SF3A2: variants seen among roughly 807,000 people sequenced by gnomAD.
SF3A2 encodes splicing factor 3a subunit 2.
In SF3A2, 5 loss-of-function variants were observed where a neutral mutation model predicts 31.1. The observed-to-expected ratio is 0.16, with a 90% CI of 0.08 to 0.34. The LOEUF (loss-of-function observed/expected upper bound fraction) is 0.34. SF3A2 is among the 10% of genes least tolerant of loss of function. The probability of loss-of-function intolerance (pLI) is 1.00; values close to 1 mark genes in which losing one functional copy is unlikely to be tolerated. For missense variants in SF3A2, 577 were observed against 643.9 expected (o/e 0.90, Z 1.13); for synonymous variants, 365 against 263.7 (o/e 1.38, Z -3.72).
chr19:2,238,052 C>T (rs1023885332), intron 1 of SF3A2, among the ~76,000 whole-genome samples: 3 of 152,136 alleles, frequency 2.0e-5, no homozygotes, highest in African/African-American at 4.8e-5. Context: ...CAGGGTCTTG[C>T]TCTGTCACCC....
At chr19:2,247,107 A>C in intron 7 of SF3A2, 85 bp downstream of exon 7, 1 of 1,541,198 alleles carries the variant, frequency 6.5e-7, no homozygotes, top group Non-Finnish European at 8.6e-7. Context: ...TGCCCCTCCC[A>C]TCGGGCTTGG....
intron 1 of SF3A2, among the ~76,000 whole-genome samples, chr19:2,243,119 G>A (rs2024905103): frequency 6.6e-6 from 1 of 152,132 alleles, no homozygotes; most frequent in Non-Finnish European, 1.5e-5. Context: ...GGCTGGAGCG[G>A]CTTCCTCTCC....
rs557507276 is a variant in SF3A2, at chr19:2,242,521, C to T, written c.-37-861C>T. Among the ~76,000 whole-genome samples the T allele has an allele frequency of 3.9e-5, 6 of 152,356 alleles. 1 individual carries two copies. The East Asian group carries it at 1.2e-3, about 29-fold the overall frequency. Reference sequence around the variant, plus strand: ...TTTAAGATCCTCAAGCCCACCTGCACATCCCTTTTCTGCCATGAGGGGACA... The same window carrying T: ...TTTAAGATCCTCAAGCCCACCTGCATATCCCTTTTCTGCCATGAGGGGACA... On this transcript the variant is annotated intron_variant, in intron 1 of 8. Coordinates refer to ENST00000221494, the MANE Select transcript of SF3A2 (RefSeq NM_007165.5).
In SF3A2 at chr19:2,245,202, AG is replaced by A; in HGVS notation, c.246-243del. On this transcript the variant is annotated intron_variant, in intron 4 of 8. Transcript: ENST00000221494. The surrounding 1 kb of genome is among the most constrained non-coding windows in gnomAD (Gnocchi z 4.2). ...CTTGTCTTATTAAAAAAAAAAAAAA[AG>A]AGCAGAGGCATGGAGTTGTTGGAAG... The A allele has an allele frequency of 2.0e-6, 1 of 500,656 alleles. No individual in the cohort carries two copies. Among genetic ancestry groups the A allele is most frequent in the Middle Eastern group, 5.2e-4 (1 of 1,918 alleles). 31.0% of individuals were successfully genotyped at this position (500,656 alleles called of 1,614,324 possible).
rs563094961 is a variant in SF3A2 at position 2,247,027 on chromosome 19, C to T, written c.546+5C>T. The T allele has an allele frequency of 2.1e-5, 34 of 1,598,464 alleles. No individual in the cohort carries two copies. The East Asian group carries it at 2.2e-4, about 10-fold the overall frequency. ...TACGAGACCATTGCCTTCAAGGTAGCGTGGCTGCGGGGTTCCCTGGGCCCC... is the reference window on the plus strand; with the variant it reads ...TACGAGACCATTGCCTTCAAGGTAGTGTGGCTGCGGGGTTCCCTGGGCCCC... On this transcript the variant is annotated splice_donor_5th_base_variant and intron_variant, in intron 7 of 8. Coordinates refer to ENST00000221494, the MANE Select transcript of SF3A2 (RefSeq NM_007165.5).
intron 1 of SF3A2, chr19:2,237,902 G>T (rs563000520): frequency 6.6e-6 from 1 of 152,364 alleles, no homozygotes; most frequent in East Asian, 1.9e-4. Context: ...TAGGTTGTTG[G>T]CTAGGTTAAG....
intron 1 of SF3A2, among the ~76,000 whole-genome samples, chr19:2,239,971 A>G (rs938884918): frequency 6.6e-6 from 1 of 152,164 alleles, no homozygotes; most frequent in Non-Finnish European, 1.5e-5. Flanking sequence ...TGGGATACCC[A>G]TCAGTCTCTT....
chr19:2,248,462 C>A lies in SF3A2; in HGVS notation c.1311C>A (p.Pro437=). ...GVHPSNPGVH[P]PTPMPPMLRP... Reference sequence around the variant, plus strand: ...ACCCCTCAAATCCTGGGGTGCACCCCCCAACTCCCATGCCCCCAATGCTGA... The same window carrying A: ...ACCCCTCAAATCCTGGGGTGCACCCACCAACTCCCATGCCCCCAATGCTGA... The change falls in exon 9 of 9, where the codon CCC becomes CCA. Residue 437 remains proline, a synonymous_variant. Transcript: ENST00000221494. The A allele has an allele frequency of 7.9e-7, 1 of 1,270,244 alleles. No individual in the cohort carries two copies. The highest frequency in any genetic ancestry group is 1.0e-6 in the Non-Finnish European group (1 of 980,520). 78.7% of individuals were successfully genotyped at this position (1,270,244 alleles called of 1,614,324 possible). A position where few individuals can be genotyped will look rare whatever the true frequency, so the allele number is the denominator to read the frequency against.
rs758646057 is a variant in SF3A2, at chr19:2,243,387, TC to T, written c.-29del. 35 of 1,505,096 alleles carry T rather than the reference TC, an allele frequency of 2.3e-5. No homozygotes were observed. In the African/African-American group the frequency reaches 4.7e-4, roughly 20 times the overall value. The allele number at this position is 1,505,096 out of a possible 1,614,324, so 93.2% of individuals were successfully genotyped here. A position where few individuals can be genotyped will look rare whatever the true frequency, so the allele number is the denominator to read the frequency against. On this transcript the variant is annotated 5_prime_UTR_variant, in exon 2 of 9. Coordinates refer to ENST00000221494, the MANE Select transcript of SF3A2 (RefSeq NM_007165.5). The stretch of plus-strand genomic sequence containing the variant: ...TCTCCTCTTGGCCTCCACAGGTGTC[TC>T]CCAGTCTGCTAAAGCCCTAAGGCCA...
chr19:2,239,061 A>G lies in SF3A2; in HGVS notation c.-38+2160A>G, dbSNP rs898097156. 2.8e-4 allele frequency among the ~76,000 whole-genome samples: 43 copies of G among 152,186 alleles called. 1 individual carries two copies. The highest frequency in any genetic ancestry group is 5.7e-4 in the Non-Finnish European group (39 of 68,036). ...GAAGTTTGGTGGGGTATAAAAATCT[A>G]GATTGAAAATCTGTATTTGTAGGCC... On this transcript the variant is annotated intron_variant, in intron 1 of 8. Coordinates refer to ENST00000221494, the MANE Select transcript of SF3A2 (RefSeq NM_007165.5).
rs1253688483 is a variant in SF3A2 at position 2,246,852 on chromosome 19, C to T, written c.406-30C>T. 4 of 1,613,112 alleles carry T rather than the reference C, an allele frequency of 2.5e-6. No homozygotes were observed. The highest frequency in any genetic ancestry group is 2.2e-5 in the South Asian group (2 of 91,040). On this transcript the variant is annotated intron_variant, in intron 6 of 8. Transcript: ENST00000221494. The surrounding 1 kb of genome is among the most constrained non-coding windows in gnomAD (Gnocchi z 5.5). ...GGGGCGGCCAAAGGCACCCAAGAGGCGGCTCTGCCACCCGGCCGTGTCCCT... is the reference window on the plus strand; with the variant it reads ...GGGGCGGCCAAAGGCACCCAAGAGGTGGCTCTGCCACCCGGCCGTGTCCCT...
At position 2,245,837 on chromosome 19, in the gene SF3A2, C is replaced by T; in HGVS notation, c.355+282C>T. ...TTGTGGAAGCTTCTGGGAATTCTTG[C>T]CAAGCAAAAGAGTGGAAGTGGAGGT... is the stretch of plus-strand genomic sequence containing the variant. On this transcript the variant is annotated intron_variant, in intron 5 of 8. Transcript: ENST00000221494. This position sits in a 1 kb window ranked among gnomAD's most constrained non-coding sequence, Gnocchi z 4.2. 2.1e-6 allele frequency: 1 copy of T among 474,012 alleles called. No individual in the cohort carries two copies. The allele number at this position is 474,012 out of a possible 1,614,324, so 29.4% of individuals were successfully genotyped here. A position where few individuals can be genotyped will look rare whatever the true frequency, so the allele number is the denominator to read the frequency against.
rs945179851 is a variant in SF3A2 at position 2,246,652 on chromosome 19, C to T, written c.356-101C>T. ...GTTGCCAGAGCTGCAGGGCCTCCCC[C>T]GGGGTCCCGCTCTCGTTCAGTGGGT... On this transcript the variant is annotated intron_variant, in intron 5 of 8. Transcript: ENST00000221494. This position sits in a 1 kb window ranked among gnomAD's most constrained non-coding sequence, Gnocchi z 5.5. 4.3e-6 allele frequency: 6 copies of T among 1,384,136 alleles called. No homozygotes were observed. The African/African-American group carries it at 5.7e-5, about 13-fold the overall frequency. 85.7% of individuals were successfully genotyped at this position (1,384,136 alleles called of 1,614,324 possible). A position where few individuals can be genotyped will look rare whatever the true frequency, so the allele number is the denominator to read the frequency against.
rs2024922123 is a variant in SF3A2, at chr19:2,245,270, C to CATGCCTGTCCT, written c.246-173_246-163dup. 1 of 580,670 alleles carries CATGCCTGTCCT rather than the reference C, an allele frequency of 1.7e-6. No homozygotes were observed. The highest frequency in any genetic ancestry group is 2.8e-5 in the East Asian group (1 of 35,262). The allele number at this position is 580,670 out of a possible 1,614,324, so 36.0% of individuals were successfully genotyped here. A position where few individuals can be genotyped will look rare whatever the true frequency, so the allele number is the denominator to read the frequency against. Reference sequence around the variant, plus strand: ...AGTGAGGAGCATGACAGGAAGAGAACATGCCTGTCCTATCCCTGTCCTCAG... The same window carrying CATGCCTGTCCT: ...AGTGAGGAGCATGACAGGAAGAGAACATGCCTGTCCTATGCCTGTCCTATCCCTGTCCTCAG... On this transcript the variant is annotated intron_variant, in intron 4 of 8. Transcript: ENST00000221494. This position sits in a 1 kb window ranked among gnomAD's most constrained non-coding sequence, Gnocchi z 4.2.
At position 2,248,501 on chromosome 19, in the gene SF3A2, C is replaced by A; in HGVS notation, c.1350C>A (p.Pro450=). The part of the protein sequence containing the change: ...PMPPMLRPPL[P]SEGPGNIPPP... ...CCCCAATGCTGAGGCCCCCACTTCC[C>A]TCCGAAGGCCCAGGGAACATACCTC... The change falls in exon 9 of 9, where the codon CCC becomes CCA. Residue 450 remains proline, a synonymous_variant. Coordinates refer to ENST00000221494, the MANE Select transcript of SF3A2 (RefSeq NM_007165.5). 8.3e-7 allele frequency: 1 copy of A among 1,200,050 alleles called. No individual in the cohort carries two copies. Among genetic ancestry groups the A allele is most frequent in the Non-Finnish European group, 1.1e-6 (1 of 920,788 alleles). 74.3% of individuals were successfully genotyped at this position (1,200,050 alleles called of 1,614,324 possible).
In SF3A2 at chr19:2,245,366, G is replaced by T. The variant is rs1269213140; in HGVS notation, c.246-80G>T. 1 of 1,058,482 alleles carries T rather than the reference G, an allele frequency of 9.4e-7. No individual in the cohort carries two copies. Among genetic ancestry groups the T allele is most frequent in the Admixed American group, 2.1e-5 (1 of 46,542 alleles). 65.6% of individuals were successfully genotyped at this position (1,058,482 alleles called of 1,614,324 possible). A position where few individuals can be genotyped will look rare whatever the true frequency, so the allele number is the denominator to read the frequency against. Reference sequence around the variant, plus strand: ...CAGCTTGTAGTGAGCTCCAAGGTCAGGGGGCTCCTGGCACCTGGGCCCATG... The same window carrying T: ...CAGCTTGTAGTGAGCTCCAAGGTCATGGGGCTCCTGGCACCTGGGCCCATG... On this transcript the variant is annotated intron_variant, in intron 4 of 8. Coordinates refer to ENST00000221494, the MANE Select transcript of SF3A2 (RefSeq NM_007165.5). This position sits in a 1 kb window ranked among gnomAD's most constrained non-coding sequence, Gnocchi z 4.2.
intron 1 of SF3A2, among the ~76,000 whole-genome samples, chr19:2,241,815 CAGT>C (rs2024892076): frequency 2.0e-5 from 3 of 152,138 alleles, no homozygotes; most frequent in Non-Finnish European, 4.4e-5. Flanking sequence ...GCGATGGTCA[CAGT>C]GGTGGTTTCT....
In SF3A2 at chr19:2,243,383, T is replaced by C. The variant is rs1413350645; in HGVS notation, c.-36T>C. The C allele has an allele frequency of 1.3e-6, 2 of 1,495,140 alleles. No individual in the cohort carries two copies. The highest frequency in any genetic ancestry group is 2.7e-5 in the East Asian group (1 of 37,394). 92.6% of individuals were successfully genotyped at this position (1,495,140 alleles called of 1,614,324 possible). ...TCACTCTCCTCTTGGCCTCCACAGG[T>C]GTCTCCCAGTCTGCTAAAGCCCTAA... is the stretch of plus-strand genomic sequence containing the variant. On this transcript the variant is annotated splice_region_variant and 5_prime_UTR_variant, in exon 2 of 9. Transcript: ENST00000221494.
chr19:2,240,882 C>T (rs1052074537), intron 1 of SF3A2, among the ~76,000 whole-genome samples: 1 of 152,248 alleles, frequency 6.6e-6, no homozygotes, highest in African/African-American at 2.4e-5. Flanking sequence ...CTGCCTCTTC[C>T]GCATGGAGGA....
Sources: gnomAD v4.1 joint callset for allele counts (sites outside exome capture counted in the v4.1 genomes callset) on GRCh38, gnomAD v4.1.1 for gene constraint, Gnocchi (gnomAD v3.1) non-coding constraint, MANE v1.5 for transcripts, NCBI Gene and HGNC (gene_info 2026-07-23, HGNC 2026-07-21) for gene names.